SEMA3A: variants seen among roughly 807,000 people sequenced by gnomAD.
The protein encoded by SEMA3A is semaphorin 3A, also known as semaphorin-3A.
In SEMA3A, 29 loss-of-function variants were observed where a neutral mutation model predicts 97.9. The observed-to-expected ratio is 0.30, with a 90% CI of 0.22 to 0.40. The LOEUF (loss-of-function observed/expected upper bound fraction) is 0.40. Ranked by LOEUF, SEMA3A falls within the 10% of genes least tolerant of loss-of-function variation. SEMA3A has a pLI of 1.00. For synonymous variants in SEMA3A, 321 were observed against 323.7 expected, an observed-to-expected ratio of 0.99 and a Z score of 0.09; for missense variants, 763 against 951.3, an observed-to-expected ratio of 0.80 and a Z score of 2.60.
chr7:84,135,082 A>G lies in SEMA3A; in HGVS notation c.113-131T>C, dbSNP rs1466889970. ...TCAGTGCTTATTCTTCAGGGTACTA[A>G]GAAATATATTGGAACCAAAATGTGT... is the stretch of plus-strand genomic sequence containing the variant. On this transcript the variant is annotated intron_variant, in intron 1 of 16. Transcript: ENST00000265362. 4 of 613,518 alleles carry G rather than the reference A, an allele frequency of 6.5e-6. No homozygotes were observed. The Admixed American group carries it at 1.0e-4, about 16-fold the overall frequency. The allele number at this position is 613,518 out of a possible 1,614,324, so 38.0% of individuals were successfully genotyped here.
chr7:84,406,831 GC>G (rs1303482664), intron 1 of SEMA3A, among the ~76,000 whole-genome samples: 1 of 152,088 alleles, frequency 6.6e-6, no homozygotes, highest in African/African-American at 2.4e-5. Context: ...TGCAGAAAAG[GC>G]CTTTGACAAA....
At chr7:84,008,773 C>T (rs999732548) in intron 9 of SEMA3A, among the ~76,000 whole-genome samples, 5 of 152,110 alleles carry the variant, frequency 3.3e-5, no homozygotes, top group South Asian at 4.1e-4. Flanking sequence ...GGCTTCTTTT[C>T]GGCTACATCA....
chr7:84,088,594 T>C (rs548929330), intron 4 of SEMA3A, among the ~76,000 whole-genome samples: 1 of 152,312 alleles, frequency 6.6e-6, no homozygotes, highest in South Asian at 2.1e-4. Context: ...ATGGTATGTG[T>C]GTGTCTATAT....
At position 83,961,626 on chromosome 7, in the gene SEMA3A, C is replaced by T; in HGVS notation, c.2061G>A (p.Lys687=). The T allele has an allele frequency of 6.2e-7, 1 of 1,614,034 alleles. No individual in the cohort carries two copies. The highest frequency in any genetic ancestry group is 1.1e-5 in the South Asian group (1 of 91,070). ...LHKDDDGDGS[K]TKEMSNSMTP... ...TCATGCTATTGGACATTTCTTTGGT[C>T]TTAGAGCCATCTCCATCATCATCTT... The change falls in exon 17 of 17, where the codon AAG becomes AAA. Residue 687 remains lysine (K), a synonymous_variant. Coordinates refer to ENST00000265362, the MANE Select transcript of SEMA3A (RefSeq NM_006080.3).
At chr7:84,339,037 GTATATA>G (rs760733007) in intron 2 of SEMA3A, among the ~76,000 whole-genome samples, 1 of 151,974 alleles carries the variant, frequency 6.6e-6, no homozygotes, top group Non-Finnish European at 1.5e-5. Flanking sequence ...CTCCAATTTG[GTATATA>G]TATATCCCAT....
chr7:84,278,538 A>G (rs1235851221), intron 3 of SEMA3A, among the ~76,000 whole-genome samples: 1 of 152,120 alleles, frequency 6.6e-6, no homozygotes, highest in Non-Finnish European at 1.5e-5. Context: ...GGTAATTTAT[A>G]AAGAAAAGAT....
At chr7:84,433,885 T>C (rs555064895) in intron 1 of SEMA3A, among the ~76,000 whole-genome samples, 1 of 152,248 alleles carries the variant, frequency 6.6e-6, no homozygotes, top group Non-Finnish European at 1.5e-5. Context: ...TTTTGAGAAG[T>C]GTCTGTTCAT....
At chr7:84,089,078 G>C (rs1295204615) in intron 4 of SEMA3A, among the ~76,000 whole-genome samples, 1 of 151,860 alleles carries the variant, frequency 6.6e-6, no homozygotes, top group Non-Finnish European at 1.5e-5. Flanking sequence ...AGAGCTGTTA[G>C]GAAGAAGAAT....
chr7:84,313,250 T>G (rs1462543104), intron 2 of SEMA3A, among the ~76,000 whole-genome samples: 1 of 144,328 alleles, frequency 6.9e-6, no homozygotes, highest in African/African-American at 2.5e-5. Context: ...CTTCTCTCCA[T>G]CCATCTCGCC....
intron 2 of SEMA3A, among the ~76,000 whole-genome samples, chr7:84,343,609 T>C (rs1287722639): frequency 6.6e-6 from 1 of 152,128 alleles, no homozygotes; most frequent in Non-Finnish European, 1.5e-5. Flanking sequence ...AAACTGGCTT[T>C]GAGAAATAGC....
chr7:83,975,599 C>T (rs533987523), intron 15 of SEMA3A, among the ~76,000 whole-genome samples: 2 of 152,044 alleles, frequency 1.3e-5, no homozygotes, highest in Non-Finnish European at 2.9e-5. Flanking sequence ...ATCTACAATA[C>T]TCATAATGTT....
At chr7:84,086,461 T>C (rs377274662) in intron 4 of SEMA3A, among the ~76,000 whole-genome samples, 6,462 of 72,606 alleles carry the variant, frequency 0.089, 526 homozygotes, top group African/African-American at 0.25. Context: ...ATTATATTCA[T>C]ATATAATATG....
chr7:83,989,120 T>G (rs1043822332), intron 12 of SEMA3A, among the ~76,000 whole-genome samples: 1 of 152,156 alleles, frequency 6.6e-6, no homozygotes, highest in Non-Finnish European at 1.5e-5. Context: ...ATTAAGGAGC[T>G]TATTTCATGA....
Position 84,226,077 on chromosome 7 carries a change from AAG to A in SEMA3A, c.-82-31411_-82-31410del, listed in dbSNP as rs532917140. ...TTTTAATTGTGTAAGAGCGTTTGGA[AAG>A]ATAGTATATCATCTTGAAGTAAGTC... On this transcript the variant is annotated intron_variant, in intron 3 of 3. Coordinates refer to the SEMA3A transcript ENST00000424555. Among the ~76,000 whole-genome samples, 29 of 152,262 alleles carry A rather than the reference AAG, an allele frequency of 1.9e-4. No individual in the cohort carries two copies. In the East Asian group the frequency reaches 5.2e-3, roughly 27 times the overall value.
At chr7:84,407,428 T>C (rs1197544153) in intron 1 of SEMA3A, among the ~76,000 whole-genome samples, 1 of 152,068 alleles carries the variant, frequency 6.6e-6, no homozygotes, top group South Asian at 2.1e-4. Context: ...TCCATGCTCA[T>C]GGGTAGGAAG....
intron 4 of SEMA3A, among the ~76,000 whole-genome samples, chr7:84,066,524 A>T (rs1328491234): frequency 6.7e-6 from 1 of 149,230 alleles, no homozygotes; most frequent in East Asian, 2.0e-4. Flanking sequence ...AGAAAACCCC[A>T]TTGTCTCAGC....
chr7:84,150,876 C>T (rs530497040), intron 1 of SEMA3A, among the ~76,000 whole-genome samples: 2,367 of 151,158 alleles, frequency 0.016, 41 homozygotes, highest in Non-Finnish European at 0.018. Flanking sequence ...GTTCTCCCAG[C>T]ACGCAGCTGG....
intron 4 of SEMA3A, among the ~76,000 whole-genome samples, chr7:84,081,917 A>G (rs1794177107): frequency 6.6e-6 from 1 of 152,152 alleles, no homozygotes; most frequent in African/African-American, 2.4e-5. Flanking sequence ...AAACATCTAG[A>G]TACACACAAA....
At chr7:84,149,193 A>T (rs73177479) in intron 1 of SEMA3A, among the ~76,000 whole-genome samples, 4,776 of 152,332 alleles carry the variant, frequency 0.031, 99 homozygotes, top group South Asian at 0.072. Context: ...GAAAGTATTA[A>T]TTCTAGAATT....
Sources: gnomAD v4.1 joint callset for allele counts (sites outside exome capture counted in the v4.1 genomes callset) on GRCh38, gnomAD v4.1.1 for gene constraint, MANE v1.5 for transcripts, NCBI Gene and HGNC (gene_info 2026-07-23, HGNC 2026-07-21) for gene names.